GABRB1: variants seen among roughly 807,000 people sequenced by gnomAD.
GABRB1 encodes gamma-aminobutyric acid receptor subunit beta-1.
A neutral mutation model predicts 51.6 loss-of-function variants in GABRB1; 17 were observed. That is an observed-to-expected ratio of 0.33 (90% CI 0.23 to 0.49). GABRB1 has a LOEUF of 0.49. Among genes scored for constraint, GABRB1 ranks in the 20% least tolerant of loss-of-function variants. The pLI, the probability that GABRB1 is intolerant of heterozygous loss-of-function variation, is 0.99. For missense variants in GABRB1, 410 were observed against 600.6 expected (o/e 0.68, Z 3.32); for synonymous variants, 247 against 218.9 (o/e 1.13, Z -1.14).
chr4:47,391,317 CACTG>C (rs1377998016), intron 5 of GABRB1, among the ~76,000 whole-genome samples: 4 of 152,242 alleles, frequency 2.6e-5, no homozygotes, highest in African/African-American at 7.2e-5. Flanking sequence ...AGACCCAGAC[CACTG>C]ACTGGATAAA....
chr4:47,323,045 G>A (rs1406215447), intron 5 of GABRB1, among the ~76,000 whole-genome samples: 2 of 152,112 alleles, frequency 1.3e-5, no homozygotes, highest in African/African-American at 4.8e-5. Flanking sequence ...AACACTCTTG[G>A]CTAGGTTGGA....
chr4:47,342,601 T>C (rs1270550196), intron 5 of GABRB1, among the ~76,000 whole-genome samples: 1 of 152,202 alleles, frequency 6.6e-6, no homozygotes, highest in African/African-American at 2.4e-5. Context: ...AAATTTTCCA[T>C]AAAATAAAAA....
intron 5 of GABRB1, among the ~76,000 whole-genome samples, chr4:47,403,078 A>G (rs1444156116): frequency 1.3e-5 from 2 of 152,234 alleles, no homozygotes; most frequent in Non-Finnish European, 2.9e-5. Context: ...CAGCAATGAC[A>G]TCAGATATCA....
At position 47,296,661 on chromosome 4, in the gene GABRB1, G is replaced by A. The variant is rs193115431; in HGVS notation, c.462-23466G>A. ...TTAGACTCCCACACAATAATAATGG[G>A]AGACTTTAACACCCCACTGTCAACA... On this transcript the variant is annotated intron_variant, in intron 4 of 8. Transcript: ENST00000295454. 8.4e-3 allele frequency among the ~76,000 whole-genome samples: 1,277 copies of A among 152,210 alleles called. 22 individuals are homozygous for A. Among genetic ancestry groups the A allele is most frequent in the African/African-American group, 0.029 (1,201 of 41,510 alleles).
chr4:47,075,845 T>A (rs1393101176), intron 3 of GABRB1, among the ~76,000 whole-genome samples: 2 of 152,150 alleles, frequency 1.3e-5, no homozygotes, highest in East Asian at 3.9e-4. Flanking sequence ...TTAATTGCTA[T>A]CTCCTTTTTC....
chr4:47,323,712 C>G (rs1430881897), intron 5 of GABRB1, among the ~76,000 whole-genome samples: 2 of 152,154 alleles, frequency 1.3e-5, no homozygotes, highest in Non-Finnish European at 2.9e-5. Flanking sequence ...CGTATGCTCT[C>G]CCATCACAAT....
At chr4:47,047,920 G>A (rs1726168089) in intron 3 of GABRB1, among the ~76,000 whole-genome samples, 1 of 152,106 alleles carries the variant, frequency 6.6e-6, no homozygotes, top group Non-Finnish European at 1.5e-5. Flanking sequence ...TAAGGAGTGA[G>A]AAGATGCTGG....
At chr4:47,076,864 C>T (rs2109556947) in intron 3 of GABRB1, among the ~76,000 whole-genome samples, 1 of 152,238 alleles carries the variant, frequency 6.6e-6, no homozygotes, top group Non-Finnish European at 1.5e-5. Context: ...CGAGGGGCCC[C>T]ATTTTAGGCT....
intron 3 of GABRB1, among the ~76,000 whole-genome samples, chr4:47,123,791 A>C (rs1171900812): frequency 8.7e-5 from 7 of 80,502 alleles, no homozygotes; most frequent in Admixed American, 2.2e-4. Flanking sequence ...TATTATATAT[A>C]ATATATTATA....
chr4:47,123,904 TTA>T (rs1231509605), intron 3 of GABRB1, among the ~76,000 whole-genome samples: 1 of 58,114 alleles, frequency 1.7e-5, no homozygotes, highest in Admixed American at 3.6e-4. Flanking sequence ...ATATAATATA[TTA>T]TATATTAATA....
At chr4:47,284,311 G>A (rs985636788) in intron 4 of GABRB1, among the ~76,000 whole-genome samples, 1 of 151,966 alleles carries the variant, frequency 6.6e-6, no homozygotes, top group East Asian at 1.9e-4. Flanking sequence ...TGTAAAGATG[G>A]CCCTATTGCC....
At chr4:47,072,230 G>A (rs1170551061) in intron 3 of GABRB1, among the ~76,000 whole-genome samples, 1 of 152,138 alleles carries the variant, frequency 6.6e-6, no homozygotes, top group Non-Finnish European at 1.5e-5. Context: ...GTGCTTAGGT[G>A]TAGTGGCTTC....
chr4:47,026,057 G>A (rs564020546), intron 1 of GABRB1, among the ~76,000 whole-genome samples: 8 of 151,950 alleles, frequency 5.3e-5, no homozygotes, highest in Non-Finnish European at 1.0e-4. Flanking sequence ...TTTGCTGGCC[G>A]CAATGGCAGC....
At chr4:47,132,868 T>G (rs935294314) in intron 3 of GABRB1, among the ~76,000 whole-genome samples, 1 of 152,200 alleles carries the variant, frequency 6.6e-6, no homozygotes, top group African/African-American at 2.4e-5. Flanking sequence ...TTGCCTTGCA[T>G]TTCTGCTTCC....
intron 8 of GABRB1, among the ~76,000 whole-genome samples, chr4:47,416,425 A>C (rs191654231): frequency 1.4e-3 from 211 of 152,188 alleles, no homozygotes; most frequent in African/African-American, 4.7e-3. Context: ...GAGTAAACAG[A>C]AGATATAAAT....
At position 47,254,361 on chromosome 4, in the gene GABRB1, G is replaced by GTTTTTTTTTTTTTTTTTTTTTTTTTTTTT. The variant is rs56838956; in HGVS notation, c.462-65763_462-65735dup. On this transcript the variant is annotated intron_variant, in intron 4 of 8. Transcript: ENST00000295454. ...ATGGTGGATGATGTTTCTTTTCTTT[G>GTTTTTTTTTTTTTTTTTTTTTTTTTTTTT]TTTTTTTTTTTTTTTTTTTTTTTTT... Among the ~76,000 whole-genome samples the GTTTTTTTTTTTTTTTTTTTTTTTTTTTTT allele has an allele frequency of 3.7e-5, 3 of 80,966 alleles. 1 individual carries two copies. The highest frequency in any genetic ancestry group is 1.6e-4 in the African/African-American group (3 of 19,290). 53.1% of individuals were successfully genotyped at this position (80,966 alleles called of 152,430 possible). A position where few individuals can be genotyped will look rare whatever the true frequency, so the allele number is the denominator to read the frequency against.
chr4:47,359,635 A>G (rs7688710), intron 5 of GABRB1, among the ~76,000 whole-genome samples: 20,456 of 152,048 alleles, frequency 0.13, 1,507 homozygotes, highest in African/African-American at 0.19. Flanking sequence ...CCATAAGACA[A>G]TTCTGGGGAT....
At chr4:47,247,724 G>A (rs181715241) in intron 4 of GABRB1, among the ~76,000 whole-genome samples, 2 of 151,958 alleles carry the variant, frequency 1.3e-5, no homozygotes, top group African/African-American at 2.4e-5. Context: ...CCTTGTAGAC[G>A]ACTTTTGACT....
chr4:47,412,425 C>T (rs1213463363), intron 8 of GABRB1, among the ~76,000 whole-genome samples: 1 of 152,080 alleles, frequency 6.6e-6, no homozygotes, highest in East Asian at 1.9e-4. Context: ...GACTATACTC[C>T]ACTTCAGCTT....
Sources: allele counts gnomAD v4.1 joint callset (sites outside exome capture counted in the v4.1 genomes callset), GRCh38; gene constraint gnomAD v4.1.1; transcripts MANE v1.5; gene names NCBI Gene and HGNC (gene_info 2026-07-23, HGNC 2026-07-21).